The following MKRN1 variants were observed in gnomAD, a reference collection of about 807,000 sequenced individuals.
MKRN1 encodes the protein E3 ubiquitin-protein ligase makorin-1.
A neutral mutation model predicts 55.5 loss-of-function variants in MKRN1; 9 were observed. That is an observed-to-expected ratio of 0.16 (90% CI 0.10 to 0.28). MKRN1 has a LOEUF of 0.28. Among genes scored for constraint, MKRN1 ranks in the 10% least tolerant of loss-of-function variants. The pLI is 1.00. For missense variants in MKRN1, 488 were observed against 626.7 expected (o/e 0.78, Z 2.36); for synonymous variants, 253 against 235.9 (o/e 1.07, Z -0.66).
At chr7:140,461,075 A>C (rs1341813955) in intron 2 of MKRN1, among the ~76,000 whole-genome samples, 2 of 152,250 alleles carry the variant, frequency 1.3e-5, no homozygotes, top group African/African-American at 4.8e-5. Flanking sequence ...CCTGCAGGCA[A>C]AACTGACTGA....
chr7:140,476,964 T>A (rs1051669974), intron 1 of MKRN1, among the ~76,000 whole-genome samples: 9 of 151,920 alleles, frequency 5.9e-5, no homozygotes, highest in Admixed American at 5.9e-4. Flanking sequence ...ACGCCTGTAA[T>A]CCCAGCTACT....
rs1452617923 is a variant in MKRN1, at chr7:140,479,042, C to T, written c.185+118G>A. Reference sequence around the variant, plus strand: ...GAGGGCTGCAGAGATCGAGACAACGCCGGTCCCCGCCCTCCCGCGCCTCTA... The same window carrying T: ...GAGGGCTGCAGAGATCGAGACAACGTCGGTCCCCGCCCTCCCGCGCCTCTA... On this transcript the variant is annotated intron_variant, in intron 1 of 7. Transcript: ENST00000255977. 3 of 1,184,352 alleles carry T rather than the reference C, an allele frequency of 2.5e-6. No individual in the cohort carries two copies. In the African/African-American group the frequency reaches 4.8e-5, roughly 19 times the overall value. 73.4% of individuals were successfully genotyped at this position (1,184,352 alleles called of 1,614,324 possible). A position where few individuals can be genotyped will look rare whatever the true frequency, so the allele number is the denominator to read the frequency against.
intron 1 of MKRN1, chr7:140,472,423 A>G (rs1184542243): frequency 1.2e-5 from 2 of 160,574 alleles, no homozygotes; most frequent in African/African-American, 4.8e-5. Context: ...ACAGAGCAAG[A>G]CTCCATTTCA....
chr7:140,470,134 T>G (rs1245016587), intron 2 of MKRN1, among the ~76,000 whole-genome samples: 1 of 146,710 alleles, frequency 6.8e-6, no homozygotes, highest in South Asian at 2.2e-4. Context: ...GGCAGGAGAA[T>G]CTCTCGAACG....
chr7:140,465,184 CCAAAACTCCAAA>C (rs1405285888), intron 2 of MKRN1, among the ~76,000 whole-genome samples: 5 of 152,088 alleles, frequency 3.3e-5, no homozygotes, highest in African/African-American at 4.8e-5. Context: ...GGTCCAAAAA[CCAAAACTCCAAA>C]CAAGAAGTCA....
chr7:140,464,482 C>A (rs1794714737), intron 2 of MKRN1, among the ~76,000 whole-genome samples: 1 of 151,998 alleles, frequency 6.6e-6, no homozygotes. Context: ...GGTGGGCGAT[C>A]ACCTGAGGTC....
At chr7:140,479,542 C>G (rs1051303035), upstream of MKRN1, 2 of 493,282 alleles carry the variant, frequency 4.1e-6, no homozygotes, top group Non-Finnish European at 6.4e-6. Context: ...TGCGCGCCCG[C>G]GGCCCGCCCA....
intron 4 of MKRN1, 154 bp from the exon 5 acceptor site, chr7:140,457,020 A>T: frequency 2.7e-6 from 2 of 740,894 alleles, no homozygotes; most frequent in Non-Finnish European, 4.2e-6. Context: ...TGACAAGTAA[A>T]CACAGGTGTG....
chr7:140,456,198 TTAAA>T (rs1178237478), intron 5 of MKRN1: 2 of 1,167,832 alleles, frequency 1.7e-6, no homozygotes, highest in South Asian at 6.1e-5. Context: ...TTTCTTTCGT[TTAAA>T]TAAATTTATT....
intron 2 of MKRN1, among the ~76,000 whole-genome samples, chr7:140,466,645 A>T (rs1002354512): frequency 1.3e-5 from 2 of 151,828 alleles, no homozygotes; most frequent in African/African-American, 4.8e-5. Context: ...TCTACTAAAA[A>T]TACAAAAAAT....
At chr7:140,469,448 A>G (rs1794860420) in intron 2 of MKRN1, among the ~76,000 whole-genome samples, 1 of 152,190 alleles carries the variant, frequency 6.6e-6, no homozygotes, top group African/African-American at 2.4e-5. Flanking sequence ...CTCCCTTTAC[A>G]TGTGGGCTGG....
At chr7:140,462,361 T>C (rs1318631077) in intron 2 of MKRN1, among the ~76,000 whole-genome samples, 2 of 152,214 alleles carry the variant, frequency 1.3e-5, no homozygotes, top group Admixed American at 1.3e-4. Flanking sequence ...ATTATGCATA[T>C]AGTAAATTTA....
Position 140,453,270 on chromosome 7 carries a change from C to A in MKRN1, c.*1247G>T, listed in dbSNP as rs992408950. The A allele has an allele frequency of 1.3e-5, 2 of 152,598 alleles. No homozygotes were observed. Among genetic ancestry groups the A allele is most frequent in the Admixed American group, 6.5e-5 (1 of 15,272 alleles). 9.5% of individuals were successfully genotyped at this position (152,598 alleles called of 1,614,324 possible). A position where few individuals can be genotyped will look rare whatever the true frequency, so the allele number is the denominator to read the frequency against. On this transcript the variant is annotated 3_prime_UTR_variant, in exon 8 of 8. Transcript: ENST00000255977. ...AGGTACAATTTCCAATCAAGGAATT[C>A]TTCCAACAACTTAACTTTAGCTAAT...
Position 140,454,607 on chromosome 7 carries a change from A to G in MKRN1, c.1359T>C (p.Ala453=). 2 of 1,613,982 alleles carry G rather than the reference A, an allele frequency of 1.2e-6. No homozygotes were observed. Among genetic ancestry groups the G allele is most frequent in the East Asian group, 2.2e-5 (1 of 44,884 alleles). The change falls in exon 8 of 8, where the codon GCT becomes GCC. Residue 453 remains alanine, a synonymous_variant. Coordinates refer to ENST00000255977, the MANE Select transcript of MKRN1 (RefSeq NM_013446.4). Reference sequence around the variant, plus strand: ...CTGTTAGTTCGTCGTCCCCACCTGCAGCCAAAAGCATAAGCAACATCTCGC... The same window carrying G: ...CTGTTAGTTCGTCGTCCCCACCTGCGGCCAAAAGCATAAGCAACATCTCGC... ...ELGEMLLMLL[A]AGGDDELTDS... is the part of the protein sequence containing the mutation.
At chr7:140,456,366 T>C in intron 5 of MKRN1, 1 of 1,284,144 alleles carries the variant, frequency 7.8e-7, no homozygotes, top group Non-Finnish European at 9.9e-7. Flanking sequence ...TAGATCAGTT[T>C]GTTCACTGAG....
At chr7:140,472,182 A>T (rs747310168) in intron 1 of MKRN1, 171 bp from the exon 2 acceptor site, 61 of 908,616 alleles carry the variant, frequency 6.7e-5, no homozygotes, top group Non-Finnish European at 9.6e-5. Context: ...TACCTTTGGG[A>T]GGCTGAGGTG....
chr7:140,473,110 AAAAG>A (rs1244598812), intron 1 of MKRN1: 5 of 347,168 alleles, frequency 1.4e-5, no homozygotes, highest in Non-Finnish European at 2.8e-5. Context: ...AAGAAAAAGA[AAAAG>A]AAAAAGAAAA....
At chr7:140,473,400 G>T in intron 1 of MKRN1, 3 of 347,780 alleles carry the variant, frequency 8.6e-6, no homozygotes, top group Non-Finnish European at 1.7e-5. Context: ...CCTAATAGTG[G>T]CCCCCAACAT....
At chr7:140,474,440 G>C (rs1276569791) in intron 1 of MKRN1, 9 of 362,698 alleles carry the variant, frequency 2.5e-5, no homozygotes, top group Non-Finnish European at 4.5e-5. Flanking sequence ...AGTGGGTTGG[G>C]GGGGGCCCAG....
Sources: allele counts gnomAD v4.1 joint callset (sites outside exome capture counted in the v4.1 genomes callset), GRCh38; gene constraint gnomAD v4.1.1; transcripts MANE v1.5; gene names NCBI Gene and HGNC (gene_info 2026-07-23, HGNC 2026-07-21).